Variants in FRMD3 observed in about 807,000 individuals in gnomAD.
The protein encoded by FRMD3 is FERM domain containing 3, also known as FERM domain-containing protein 3.
In FRMD3, 33 loss-of-function variants were observed where a neutral mutation model predicts 70.2. That is an observed-to-expected ratio of 0.47 (90% CI 0.36 to 0.63). The LOEUF is 0.63. FRMD3 is among the 20% of genes least tolerant of loss of function. The pLI is 0.00. For synonymous variants in FRMD3, 279 were observed against 255.9 expected (o/e 1.09, Z -0.86); for missense variants, 632 against 711.4 (o/e 0.89, Z 1.27).
At chr9:83,294,205 A>G (rs1228692623) in intron 12 of FRMD3, among the ~76,000 whole-genome samples, 1 of 152,224 alleles carries the variant, frequency 6.6e-6, no homozygotes, top group Non-Finnish European at 1.5e-5. Flanking sequence ...CCCTTCTGCC[A>G]TGTGAGGACA....
intron 1 of FRMD3, among the ~76,000 whole-genome samples, chr9:83,478,835 A>G (rs5014094): frequency 0.43 from 65,441 of 151,824 alleles, 14,242 homozygotes; most frequent in Middle Eastern, 0.46. Context: ...GCCTTCAAGC[A>G]GAGTAAGGCA....
At chr9:83,482,774 AG>A (rs1828597494) in intron 1 of FRMD3, among the ~76,000 whole-genome samples, 1 of 152,204 alleles carries the variant, frequency 6.6e-6, no homozygotes, top group African/African-American at 2.4e-5. Context: ...TGCTCCAGTT[AG>A]CTAGAAGGGC....
At chr9:83,338,162 C>T (rs1296524174) in intron 5 of FRMD3, among the ~76,000 whole-genome samples, 2 of 151,990 alleles carry the variant, frequency 1.3e-5, no homozygotes, top group African/African-American at 2.4e-5. Context: ...GAGAGATGCT[C>T]AAACTCATGA....
intron 1 of FRMD3, among the ~76,000 whole-genome samples, chr9:83,506,418 G>C (rs944536887): frequency 6.6e-6 from 1 of 152,210 alleles, no homozygotes; most frequent in Non-Finnish European, 1.5e-5. Context: ...CTATGTGGTA[G>C]AGCCTATTGC....
At chr9:83,270,255 G>A (rs563069688) in intron 13 of FRMD3, among the ~76,000 whole-genome samples, 1 of 152,354 alleles carries the variant, frequency 6.6e-6, no homozygotes, top group South Asian at 2.1e-4. Context: ...GAGGAGAATC[G>A]ATTTTCCATA....
In FRMD3 at chr9:83,247,736, G is replaced by C. The variant is rs1832177647; in HGVS notation, c.*182C>G. ...TTCCTAACCTGTAACTAAAATAACTGTATTTGATTTAAACTTATTTAAGTG... is the reference window on the plus strand; with the variant it reads ...TTCCTAACCTGTAACTAAAATAACTCTATTTGATTTAAACTTATTTAAGTG... On this transcript the variant is annotated 3_prime_UTR_variant, in exon 14 of 14. Transcript: ENST00000304195. 1.4e-6 allele frequency: 2 copies of C among 1,438,806 alleles called. No individual in the cohort carries two copies. The highest frequency in any genetic ancestry group is 1.8e-6 in the Non-Finnish European group (2 of 1,095,742). 89.1% of individuals were successfully genotyped at this position (1,438,806 alleles called of 1,614,324 possible).
At position 83,362,803 on chromosome 9, in the gene FRMD3, T is replaced by TTCC. The variant is rs1166054829; in HGVS notation, c.295+10109_295+10110insGGA. Among the ~76,000 whole-genome samples, 166 of 65,532 alleles carry TTCC rather than the reference T, an allele frequency of 2.5e-3. 2 individuals carry two copies. The highest frequency in any genetic ancestry group is 0.01 in the Middle Eastern group (1 of 100). The allele number at this position is 65,532 out of a possible 152,430, so 43.0% of individuals were successfully genotyped here. ...TATTTCCTTCCCTCCTTCCTTCCTT[T>TTCC]TTCCTTCCTTCCCTCCCTCCTTCCT... On this transcript the variant is annotated intron_variant, in intron 3 of 13. Transcript: ENST00000304195.
At chr9:83,435,014 A>G (rs903607838) in intron 1 of FRMD3, among the ~76,000 whole-genome samples, 16 of 151,826 alleles carry the variant, frequency 1.1e-4, no homozygotes, top group Non-Finnish European at 2.4e-4. Flanking sequence ...TTTTCTGTAG[A>G]GATGGGGTTT....
chr9:83,324,271 T>C (rs1051001202), intron 6 of FRMD3, among the ~76,000 whole-genome samples: 1 of 152,118 alleles, frequency 6.6e-6, no homozygotes, highest in East Asian at 1.9e-4. Flanking sequence ...CTAATACATA[T>C]GTATAAAGTA....
At chr9:83,471,085 G>T (rs1828257030) in intron 1 of FRMD3, among the ~76,000 whole-genome samples, 1 of 152,192 alleles carries the variant, frequency 6.6e-6, no homozygotes, top group Non-Finnish European at 1.5e-5. Flanking sequence ...TTAGGGGGGA[G>T]AAGGTGACAT....
At chr9:83,377,450 C>T (rs1825184687) in intron 2 of FRMD3, among the ~76,000 whole-genome samples, 2 of 152,112 alleles carry the variant, frequency 1.3e-5, no homozygotes, top group Non-Finnish European at 2.9e-5. Context: ...TGTCCCCAAC[C>T]AAACCTCATG....
intron 2 of FRMD3, among the ~76,000 whole-genome samples, chr9:83,387,245 G>A (rs1369136936): frequency 6.6e-6 from 1 of 152,136 alleles, no homozygotes; most frequent in African/African-American, 2.4e-5. Context: ...TCTTCTGTAT[G>A]GAAGAGCTGA....
chr9:83,332,127 T>A (rs1411037168), intron 6 of FRMD3, among the ~76,000 whole-genome samples: 3 of 152,168 alleles, frequency 2.0e-5, no homozygotes, highest in Non-Finnish European at 2.9e-5. Context: ...GCATTGGGTG[T>A]TTGTTTCCTC....
intron 13 of FRMD3, among the ~76,000 whole-genome samples, chr9:83,284,704 A>C (rs1426975993): frequency 1.3e-5 from 2 of 152,254 alleles, no homozygotes; most frequent in African/African-American, 4.8e-5. Context: ...ATCTGGGGGA[A>C]AATGGTGGGA....
upstream of FRMD3, among the ~76,000 whole-genome samples, chr9:83,540,750 G>C (rs1398672034): frequency 6.6e-6 from 1 of 152,218 alleles, no homozygotes; most frequent in East Asian, 1.9e-4. Flanking sequence ...GATGCACTAA[G>C]TCCTAAATTA....
At chr9:83,249,254 T>G (rs1832288202) in intron 13 of FRMD3, among the ~76,000 whole-genome samples, 1 of 152,200 alleles carries the variant, frequency 6.6e-6, no homozygotes, top group Admixed American at 6.5e-5. Context: ...TTGCTATAGA[T>G]AGATGCTAGA....
At chr9:83,308,789 T>C (rs1587707006) in intron 10 of FRMD3, among the ~76,000 whole-genome samples, 1 of 152,294 alleles carries the variant, frequency 6.6e-6, no homozygotes, top group East Asian at 1.9e-4. Context: ...CTATTTTCAA[T>C]ACACTGAAGC....
intron 3 of FRMD3, among the ~76,000 whole-genome samples, chr9:83,353,654 A>G (rs1055957359): frequency 1.3e-5 from 2 of 152,222 alleles, no homozygotes; most frequent in African/African-American, 4.8e-5. Flanking sequence ...TGACAGAATC[A>G]AAATACAGAT....
At chr9:83,555,146 T>C in the FRMD3 span, among the ~76,000 whole-genome samples, 1 of 151,796 alleles carries the variant, frequency 6.6e-6, no homozygotes, top group Non-Finnish European at 1.5e-5. Context: ...TTTGGTAGAG[T>C]ACCTGTGCTG....
Sources: gnomAD v4.1 joint callset for allele counts (sites outside exome capture counted in the v4.1 genomes callset) on GRCh38, gnomAD v4.1.1 for gene constraint, MANE v1.5 for transcripts, NCBI Gene and HGNC (gene_info 2026-07-23, HGNC 2026-07-21) for gene names.